ZFAND3: variants seen among roughly 807,000 people sequenced by gnomAD.
ZFAND3 encodes AN1-type zinc finger protein 3.
ZFAND3 carries 10 observed loss-of-function variants against 29.6 expected under a neutral mutation model. That is an observed-to-expected ratio of 0.34 (90% CI 0.21 to 0.57). The LOEUF is 0.57. Among genes scored for constraint, ZFAND3 ranks in the 20% least tolerant of loss-of-function variants. The pLI is 0.86. For missense variants in ZFAND3, 230 were observed against 304.5 expected (o/e 0.76, Z 1.82); for synonymous variants, 128 against 112.6 (o/e 1.14, Z -0.87).
In ZFAND3 at chr6:38,152,457, T is replaced by C; in HGVS notation, c.*68T>C. On this transcript the variant is annotated 3_prime_UTR_variant, in exon 6 of 6. Coordinates refer to ENST00000287218, the MANE Select transcript of ZFAND3 (RefSeq NM_021943.3). ...AATGTTAGCCTTATTTAGGACAAAG[T>C]CAGCCAGACACCTTGTACTGGGCAC... 6.8e-7 allele frequency: 1 copy of C among 1,475,388 alleles called. No individual in the cohort carries two copies. The highest frequency in any genetic ancestry group is 1.4e-5 in the South Asian group (1 of 69,520). The allele number at this position is 1,475,388 out of a possible 1,614,324, so 91.4% of individuals were successfully genotyped here. A position where few individuals can be genotyped will look rare whatever the true frequency, so the allele number is the denominator to read the frequency against.
chr6:37,970,980 G>C (rs1267386287), intron 2 of ZFAND3, among the ~76,000 whole-genome samples: 1 of 152,194 alleles, frequency 6.6e-6, no homozygotes, highest in Non-Finnish European at 1.5e-5. Flanking sequence ...TACCATTTAT[G>C]AATATCCTTA....
At chr6:37,890,991 C>T (rs1447924736) in intron 1 of ZFAND3, among the ~76,000 whole-genome samples, 1 of 152,192 alleles carries the variant, frequency 6.6e-6, no homozygotes, top group Admixed American at 6.5e-5. Context: ...TATCGAAACT[C>T]TCAAAATAGT....
intron 1 of ZFAND3, among the ~76,000 whole-genome samples, chr6:37,868,796 G>C (rs1764636599): frequency 6.6e-6 from 1 of 152,106 alleles, no homozygotes; most frequent in South Asian, 2.1e-4. Context: ...AAAGATTTTT[G>C]CATACGTGCT....
chr6:37,845,618 A>C (rs1242346143), intron 1 of ZFAND3, among the ~76,000 whole-genome samples: 1 of 152,170 alleles, frequency 6.6e-6, no homozygotes, highest in Non-Finnish European at 1.5e-5. Flanking sequence ...GCATTTAGGA[A>C]AATGGTTTTT....
intron 5 of ZFAND3, among the ~76,000 whole-genome samples, chr6:38,133,199 C>T (rs1302803662): frequency 6.6e-6 from 1 of 152,216 alleles, no homozygotes; most frequent in Non-Finnish European, 1.5e-5. Flanking sequence ...TGTCTCAGAG[C>T]ATATTGAAAT....
chr6:37,992,271 C>A (rs1412271649), intron 2 of ZFAND3, among the ~76,000 whole-genome samples: 1 of 152,146 alleles, frequency 6.6e-6, no homozygotes, highest in African/African-American at 2.4e-5. Context: ...TTTAATTTAT[C>A]TTTTGCTACT....
intron 3 of ZFAND3, among the ~76,000 whole-genome samples, chr6:38,077,367 C>T (rs193173411): frequency 5.3e-5 from 8 of 152,196 alleles, no homozygotes; most frequent in East Asian, 3.9e-4. Flanking sequence ...TGGTTAAAAA[C>T]GGATGATGCA....
intron 1 of ZFAND3, among the ~76,000 whole-genome samples, chr6:37,855,716 G>A (rs1401668917): frequency 2.0e-5 from 3 of 152,084 alleles, no homozygotes; most frequent in Non-Finnish European, 4.4e-5. Context: ...TTTAACCATT[G>A]TGAAATCTAG....
chr6:37,991,745 G>A (rs1762762044), intron 2 of ZFAND3, among the ~76,000 whole-genome samples: 1 of 152,112 alleles, frequency 6.6e-6, no homozygotes, highest in Non-Finnish European at 1.5e-5. Context: ...GCAAATATCC[G>A]AGTACCCACT....
In ZFAND3 at chr6:37,819,787, G is replaced by A; in HGVS notation, c.-159G>A. The A allele has an allele frequency of 2.9e-6, 1 of 340,400 alleles. No homozygotes were observed. The highest frequency in any genetic ancestry group is 4.4e-6 in the Non-Finnish European group (1 of 225,994). The allele number at this position is 340,400 out of a possible 1,614,324, so 21.1% of individuals were successfully genotyped here. On this transcript the variant is annotated 5_prime_UTR_variant, in exon 1 of 6. Transcript: ENST00000287218. ...CTCCAGCTGACCGGCCTGGAATCCC[G>A]GCTCCGAGCCCCGGACTCGCGCCCG...
chr6:37,938,522 C>T (rs4394213), intron 2 of ZFAND3, among the ~76,000 whole-genome samples: 2 of 152,020 alleles, frequency 1.3e-5, no homozygotes, highest in Admixed American at 1.3e-4. Context: ...TCAGCACTTG[C>T]TTGACTATGT....
At chr6:38,151,712 C>T (rs1198734388) in intron 5 of ZFAND3, among the ~76,000 whole-genome samples, 1 of 152,202 alleles carries the variant, frequency 6.6e-6, no homozygotes, top group Non-Finnish European at 1.5e-5. Context: ...AATCCACTTT[C>T]CTTTGAGAGC....
chr6:37,980,565 A>G (rs1438235436), intron 2 of ZFAND3, among the ~76,000 whole-genome samples: 1 of 152,200 alleles, frequency 6.6e-6, no homozygotes, highest in Admixed American at 6.5e-5. Flanking sequence ...TTTAACTGCA[A>G]ACTGCAATGG....
At chr6:37,924,351 G>A (rs1394855106) in intron 1 of ZFAND3, among the ~76,000 whole-genome samples, 1 of 146,654 alleles carries the variant, frequency 6.8e-6, no homozygotes, top group Non-Finnish European at 1.5e-5. Context: ...GCCTTCAAAA[G>A]AGATTTTATT....
intron 2 of ZFAND3, among the ~76,000 whole-genome samples, chr6:38,004,534 T>TACACACACAC (rs56068930): frequency 2.4e-4 from 36 of 147,454 alleles, no homozygotes; most frequent in African/African-American, 3.5e-4. Flanking sequence ...TAAAGCTGTC[T>TACACACACAC]ACACACACAC....
At chr6:38,031,882 C>G (rs893361887) in intron 2 of ZFAND3, among the ~76,000 whole-genome samples, 2 of 150,328 alleles carry the variant, frequency 1.3e-5, no homozygotes, top group African/African-American at 2.5e-5. Flanking sequence ...CACCCAGGTC[C>G]TTGCAGTGGT....
At chr6:38,068,241 A>G (rs1036737788) in intron 3 of ZFAND3, among the ~76,000 whole-genome samples, 5 of 152,252 alleles carry the variant, frequency 3.3e-5, no homozygotes, top group African/African-American at 4.8e-5. Flanking sequence ...CCACAAGCTA[A>G]GAATGATTTT....
intron 2 of ZFAND3, among the ~76,000 whole-genome samples, chr6:37,960,318 T>C (rs1441044866): frequency 6.6e-6 from 1 of 152,262 alleles, no homozygotes; most frequent in East Asian, 1.9e-4. Context: ...TCATTTGTTA[T>C]ATGCAGTGAA....
At chr6:37,822,262 G>T (rs1763680948) in intron 1 of ZFAND3, among the ~76,000 whole-genome samples, 1 of 152,176 alleles carries the variant, frequency 6.6e-6, no homozygotes. Flanking sequence ...GATATTTTCA[G>T]TCTGATACTT....
Sources: gnomAD v4.1 joint callset for allele counts (sites outside exome capture counted in the v4.1 genomes callset) on GRCh38, gnomAD v4.1.1 for gene constraint, MANE v1.5 for transcripts, NCBI Gene and HGNC (gene_info 2026-07-23, HGNC 2026-07-21) for gene names.